Variants in SNX25 observed in about 807,000 individuals in gnomAD.
SNX25 encodes sorting nexin-25.
A neutral mutation model predicts 113.7 loss-of-function variants in SNX25; 62 were observed. That is an observed-to-expected ratio of 0.55 (90% CI 0.44 to 0.67). SNX25 has a LOEUF of 0.67. Among genes scored for constraint, SNX25 ranks in the 30% least tolerant of loss-of-function variants. The pLI, the probability that SNX25 is intolerant of heterozygous loss-of-function variation, is 0.00. For synonymous variants in SNX25, 421 were observed against 436.2 expected (o/e 0.97, Z 0.43); for missense variants, 1,014 against 1,161.0 (o/e 0.87, Z 1.84).
At chr4:185,340,585 G>T (rs576349291) in intron 11 of SNX25, among the ~76,000 whole-genome samples, 1 of 152,182 alleles carries the variant, frequency 6.6e-6, no homozygotes, top group Non-Finnish European at 1.5e-5. Flanking sequence ...CTGTAGGAAG[G>T]TAATGGACTC....
chr4:185,234,230 T>C (rs554858862), intron 1 of SNX25, among the ~76,000 whole-genome samples: 31 of 152,310 alleles, frequency 2.0e-4, no homozygotes, highest in African/African-American at 6.3e-4. Flanking sequence ...TGCCTTTGTG[T>C]TAATACTTAT....
At chr4:185,353,265 T>C (rs951783339) in intron 14 of SNX25, 3 of 432,696 alleles carry the variant, frequency 6.9e-6, no homozygotes, top group Non-Finnish European at 1.2e-5. Context: ...CGACAGATTT[T>C]TTTTTAAATT....
At chr4:185,248,578 A>C (rs1300506362) in intron 2 of SNX25, among the ~76,000 whole-genome samples, 1 of 152,126 alleles carries the variant, frequency 6.6e-6, no homozygotes, top group African/African-American at 2.4e-5. Flanking sequence ...CTTGAGCCCG[A>C]GAGGCAGAGA....
At chr4:185,247,228 A>ATT in intron 1 of SNX25, 66 bp from the exon 2 acceptor site, 99 of 931,866 alleles carry the variant, frequency 1.1e-4, no homozygotes, top group Middle Eastern at 6.8e-4. Context: ...CATACCTTTG[A>ATT]TTTTTTTTTT....
At chr4:185,259,103 AT>A (rs757745173) in intron 3 of SNX25, 39 bp downstream of exon 3, 26 of 1,554,676 alleles carry the variant, frequency 1.7e-5, no homozygotes, top group South Asian at 3.4e-5. Flanking sequence ...TTTTGCATTA[AT>A]TTTTTTTAAT....
chr4:185,351,635 T>C, intron 14 of SNX25, 26 bp downstream of exon 14: 1 of 1,608,480 alleles, frequency 6.2e-7, no homozygotes, highest in African/African-American at 1.3e-5. Flanking sequence ...AGTGAACCAC[T>C]TTTGTAGTGT....
chr4:185,266,994 G>A lies in SNX25; in HGVS notation c.930G>A (p.Leu310=), dbSNP rs753097198. Residue 310 remains leucine (L), a synonymous_variant, in exon 5 of 19, where the codon CTG becomes CTA. Transcript: ENST00000652585. ...TKVLKPVVEL[L]SNPDYINQML... ...TCTTGAAGCCGGTAGTGGAGTTACT[G>A]AGTAATCCAGATTACATTAACCAAA... The A allele has an allele frequency of 4.3e-6, 7 of 1,613,146 alleles. No individual in the cohort carries two copies. The South Asian group carries it at 5.5e-5, about 13-fold the overall frequency.
At chr4:185,211,737 T>C (rs1737838024) in intron 1 of SNX25, among the ~76,000 whole-genome samples, 1 of 152,126 alleles carries the variant, frequency 6.6e-6, no homozygotes. Flanking sequence ...GAAACAGTGA[T>C]TAAGAGGTAA....
chr4:185,374,942 A>C (rs532588019), downstream of SNX25, among the ~76,000 whole-genome samples: 1 of 152,204 alleles, frequency 6.6e-6, no homozygotes, highest in East Asian at 1.9e-4. Flanking sequence ...TGTATCTAAT[A>C]TACAAATCTT....
At chr4:185,245,916 A>G (rs976693014) in intron 1 of SNX25, among the ~76,000 whole-genome samples, 2 of 152,240 alleles carry the variant, frequency 1.3e-5, no homozygotes, top group Admixed American at 6.5e-5. Context: ...TATAATTAAT[A>G]TAGCAGTAAA....
Position 185,300,134 on chromosome 4 carries a change from A to G in SNX25, c.1163-10501A>G, listed in dbSNP as rs532269382. ...AACACATAGACACTGTTACTTGCTG[A>G]TAAGAATCATAACAATGTCCACTAG... On this transcript the variant is annotated intron_variant, in intron 6 of 18. Coordinates refer to ENST00000652585, the MANE Select transcript of SNX25 (RefSeq NM_001378034.2). 1.4e-4 allele frequency among the ~76,000 whole-genome samples: 22 copies of G among 151,882 alleles called. No individual in the cohort carries two copies. In the South Asian group the frequency reaches 4.6e-3, roughly 32 times the overall value.
At chr4:185,351,242 A>G (rs2095313341) in intron 13 of SNX25, among the ~76,000 whole-genome samples, 1 of 152,224 alleles carries the variant, frequency 6.6e-6, no homozygotes, top group Admixed American at 6.5e-5. Context: ...CTACTAGTTA[A>G]CCTGGAGGGG....
At position 185,283,027 on chromosome 4, in the gene SNX25, C is replaced by T. The variant is rs142696051; in HGVS notation, c.1092-4985C>T. Among the ~76,000 whole-genome samples, 122 of 152,290 alleles carry T rather than the reference C, an allele frequency of 8.0e-4. 1 individual carries two copies. The highest frequency in any genetic ancestry group is 2.7e-3 in the African/African-American group (114 of 41,578). On this transcript the variant is annotated intron_variant, in intron 5 of 18. Transcript: ENST00000652585. Reference sequence around the variant, plus strand: ...AATGAGAAAGTCAATCATTTCCTCTCGGTATCCAGTAACAGTGAATTAAAC... The same window carrying T: ...AATGAGAAAGTCAATCATTTCCTCTTGGTATCCAGTAACAGTGAATTAAAC...
At chr4:185,214,394 CAAAAAAAAAAA>C (rs60179052) in intron 1 of SNX25, among the ~76,000 whole-genome samples, 1 of 122,314 alleles carries the variant, frequency 8.2e-6, no homozygotes, top group East Asian at 2.3e-4. Flanking sequence ...CCATCTCTAC[CAAAAAAAAAAA>C]AAAAAAAGAA....
intron 9 of SNX25, among the ~76,000 whole-genome samples, chr4:185,327,934 A>T (rs1333485013): frequency 4.6e-5 from 7 of 152,226 alleles, no homozygotes; most frequent in Admixed American, 4.6e-4. Context: ...TGATCGATAA[A>T]TGCAAACAAA....
intron 10 of SNX25, among the ~76,000 whole-genome samples, chr4:185,336,471 C>T (rs2095230575): frequency 6.6e-6 from 1 of 152,182 alleles, no homozygotes; most frequent in East Asian, 1.9e-4. Flanking sequence ...GTCTCAAATT[C>T]CATCCAGGTT....
At chr4:185,212,651 G>C (rs1357164490) in intron 1 of SNX25, among the ~76,000 whole-genome samples, 1 of 152,120 alleles carries the variant, frequency 6.6e-6, no homozygotes, top group African/African-American at 2.4e-5. Flanking sequence ...GGCTGTGTGT[G>C]CTTTTTAAAT....
chr4:185,263,125 A>T (rs986265319), intron 3 of SNX25, among the ~76,000 whole-genome samples: 3 of 152,198 alleles, frequency 2.0e-5, no homozygotes, highest in African/African-American at 7.2e-5. Flanking sequence ...TGGCAGTCTG[A>T]GTACCAGGCT....
At chr4:185,277,586 T>G (rs1749899550) in intron 5 of SNX25, among the ~76,000 whole-genome samples, 1 of 152,072 alleles carries the variant, frequency 6.6e-6, no homozygotes, top group African/African-American at 2.4e-5. Context: ...AGATTTGCAA[T>G]AGCACACCAT....
Sources: gnomAD v4.1 joint callset for allele counts (sites outside exome capture counted in the v4.1 genomes callset) on GRCh38, gnomAD v4.1.1 for gene constraint, MANE v1.5 for transcripts, NCBI Gene and HGNC (gene_info 2026-07-23, HGNC 2026-07-21) for gene names.